Variants in SAMD12 observed in about 807,000 individuals in gnomAD.
SAMD12 encodes sterile alpha motif domain containing 12.
In SAMD12, 9 loss-of-function variants were observed where a neutral mutation model predicts 15.0. The observed-to-expected ratio is 0.60, with a 90% confidence interval of 0.36 to 1.05. The LOEUF (loss-of-function observed/expected upper bound fraction) is 1.05. Among genes scored for constraint, SAMD12 ranks in the 50% least tolerant of loss-of-function variants. The probability of loss-of-function intolerance (pLI) is 0.01; values close to 1 mark genes in which losing one functional copy is unlikely to be tolerated. For synonymous variants in SAMD12, 86 were observed against 90.1 expected, an observed-to-expected ratio of 0.96 and a Z score of 0.25; for missense variants, 230 against 234.2, an observed-to-expected ratio of 0.98 and a Z score of 0.12.
At chr8:118,293,206 A>G (rs1814514607) in intron 4 of SAMD12, among the ~76,000 whole-genome samples, 3 of 152,170 alleles carry the variant, frequency 2.0e-5, no homozygotes, top group Admixed American at 2.0e-4. Context: ...TGTTTTCCAG[A>G]TACATTAAGG....
chr8:118,290,847 AAAT>A (rs1563737404), intron 4 of SAMD12, among the ~76,000 whole-genome samples: 1 of 152,216 alleles, frequency 6.6e-6, no homozygotes, highest in African/African-American at 2.4e-5. Flanking sequence ...TAAATATGAA[AAAT>A]AATTAGTCTT....
chr8:118,251,612 C>A (rs1397564914), intron 4 of SAMD12, among the ~76,000 whole-genome samples: 1 of 152,040 alleles, frequency 6.6e-6, no homozygotes, highest in Non-Finnish European at 1.5e-5. Context: ...GCGTTGCTGG[C>A]CCCAGAATTA....
At chr8:118,446,350 G>A (rs1822912429) in intron 2 of SAMD12, among the ~76,000 whole-genome samples, 1 of 152,070 alleles carries the variant, frequency 6.6e-6, no homozygotes, top group South Asian at 2.1e-4. Context: ...TCAGTAGTTA[G>A]TGGGTTCAAG....
intron 1 of SAMD12, among the ~76,000 whole-genome samples, chr8:118,601,639 T>C (rs965991700): frequency 2.6e-5 from 4 of 152,194 alleles, no homozygotes; most frequent in African/African-American, 9.7e-5. Context: ...GGGGAAGCCC[T>C]ACTCCACTGA....
At chr8:118,499,922 C>A (rs1824731125) in intron 2 of SAMD12, among the ~76,000 whole-genome samples, 1 of 152,092 alleles carries the variant, frequency 6.6e-6, no homozygotes, top group African/African-American at 2.4e-5. Context: ...GTCCTCTATG[C>A]CGGCACAACA....
chr8:118,238,555 C>G (rs945638246), intron 4 of SAMD12, among the ~76,000 whole-genome samples: 1 of 152,080 alleles, frequency 6.6e-6, no homozygotes, highest in African/African-American at 2.4e-5. Context: ...AAGGCTATCT[C>G]CTTGTGCTGA....
chr8:118,192,489 T>G (rs1819433600), exon 5 of SAMD12: 1 of 152,270 alleles, frequency 6.6e-6, no homozygotes, highest in African/African-American at 2.4e-5. Flanking sequence ...CCTCCTTCCT[T>G]GAGGTTCACA....
intron 4 of SAMD12, among the ~76,000 whole-genome samples, chr8:118,299,295 C>A (rs1341372018): frequency 6.6e-6 from 1 of 152,110 alleles, no homozygotes; most frequent in Non-Finnish European, 1.5e-5. Context: ...CGAAGAGGAG[C>A]ATGAACATTT....
chr8:118,445,304 A>G (rs1268318048), intron 2 of SAMD12, among the ~76,000 whole-genome samples: 1 of 152,222 alleles, frequency 6.6e-6, no homozygotes, highest in Non-Finnish European at 1.5e-5. Context: ...TTAATTTTAA[A>G]GTACTAATAA....
At chr8:118,330,852 T>G (rs1391596751) in intron 4 of SAMD12, among the ~76,000 whole-genome samples, 1 of 152,122 alleles carries the variant, frequency 6.6e-6, no homozygotes, top group Non-Finnish European at 1.5e-5. Context: ...AAAAATTACC[T>G]ATCGGGTACA....
chr8:118,501,475 AT>A (rs967996495), intron 2 of SAMD12, among the ~76,000 whole-genome samples: 1 of 152,222 alleles, frequency 6.6e-6, no homozygotes, highest in African/African-American at 2.4e-5. Flanking sequence ...AATTAAAAAA[AT>A]TTTTAAAATG....
At chr8:118,219,025 C>A (rs2129859195) in intron 4 of SAMD12, among the ~76,000 whole-genome samples, 1 of 152,296 alleles carries the variant, frequency 6.6e-6, no homozygotes, top group African/African-American at 2.4e-5. Context: ...TAGGCTGGAG[C>A]TGAGCAAAGC....
At chr8:118,164,104 G>A in the SAMD12 span, among the ~76,000 whole-genome samples, 1 of 152,110 alleles carries the variant, frequency 6.6e-6, no homozygotes, top group Admixed American at 6.5e-5. Context: ...GGAGGGAGGA[G>A]TAGGAAGAGG....
At chr8:118,198,302 C>T (rs1819622528) in intron 4 of SAMD12, among the ~76,000 whole-genome samples, 1 of 152,132 alleles carries the variant, frequency 6.6e-6, no homozygotes, top group Non-Finnish European at 1.5e-5. Flanking sequence ...AGAGATTAAA[C>T]TAATTGAATT....
At chr8:118,438,134 A>G (rs16891018) in intron 3 of SAMD12, among the ~76,000 whole-genome samples, 3,034 of 152,320 alleles carry the variant, frequency 0.02, 98 homozygotes, top group African/African-American at 0.07. Context: ...AAATGAATGT[A>G]GACACTTGGA....
intron 2 of SAMD12, among the ~76,000 whole-genome samples, chr8:118,550,857 A>G (rs576659817): frequency 5.3e-5 from 8 of 150,700 alleles, no homozygotes; most frequent in Non-Finnish European, 1.2e-4. Context: ...ATGGAAAACA[A>G]AAAAAGGCAG....
At chr8:118,463,016 G>A (rs962827245) in intron 2 of SAMD12, among the ~76,000 whole-genome samples, 46 of 147,078 alleles carry the variant, frequency 3.1e-4, no homozygotes, top group Non-Finnish European at 6.4e-4. Flanking sequence ...CAGGAGAATG[G>A]CGTGAACCCG....
At chr8:118,181,179 G>A in the SAMD12 span, among the ~76,000 whole-genome samples, 2 of 152,144 alleles carry the variant, frequency 1.3e-5, no homozygotes, top group Admixed American at 6.5e-5. Flanking sequence ...ATACCACCAC[G>A]TTCAGTTAAA....
At chr8:118,268,170 T>C (rs191383002) in intron 4 of SAMD12, among the ~76,000 whole-genome samples, 5 of 152,268 alleles carry the variant, frequency 3.3e-5, no homozygotes, top group Admixed American at 2.6e-4. Flanking sequence ...TATTTTGGCA[T>C]ATCTCTCCAT....
Sources: gnomAD v4.1 joint callset for allele counts (sites outside exome capture counted in the v4.1 genomes callset) on GRCh38, gnomAD v4.1.1 for gene constraint, MANE v1.5 for transcripts, NCBI Gene and HGNC (gene_info 2026-07-23, HGNC 2026-07-21) for gene names.